Variants in PANK4 observed in about 807,000 individuals in gnomAD.
PANK4 encodes the protein pantothenate kinase 4 (inactive).
PANK4 carries 40 observed loss-of-function variants against 87.9 expected under a neutral mutation model. That is an observed-to-expected ratio of 0.46 (90% CI 0.35 to 0.59). The LOEUF (loss-of-function observed/expected upper bound fraction) is 0.59, where lower values mean the gene tolerates loss of function less well. PANK4 is among the 20% of genes least tolerant of loss of function. PANK4 has a pLI of 0.00. For synonymous variants in PANK4, 524 were observed against 467.4 expected, an observed-to-expected ratio of 1.12 and a Z score of -1.56; for missense variants, 926 against 1,072.3, an observed-to-expected ratio of 0.86 and a Z score of 1.90.
chr1:2,514,210 G>T, intron 11 of PANK4, 121 bp from the exon 12 acceptor site: 1 of 1,111,866 alleles, frequency 9.0e-7, no homozygotes, highest in Middle Eastern at 2.7e-4. Flanking sequence ...GCTTGAGGCG[G>T]GGTCCAAGGG....
chr1:2,515,882 G>C lies in PANK4; in HGVS notation c.1219-165C>G, dbSNP rs941038996. The stretch of plus-strand genomic sequence containing the variant: ...CCCCACTGGGCCCCCTCAGCTGCCC[G>C]GCGGCCTGAGCCGGATACCTTGACT... On this transcript the variant is annotated intron_variant, in intron 9 of 18. Coordinates refer to ENST00000378466, the MANE Select transcript of PANK4 (RefSeq NM_018216.4). The surrounding 1 kb of genome is among the most constrained non-coding windows in gnomAD (Gnocchi z 5.0). The C allele has an allele frequency of 1.4e-6, 1 of 715,388 alleles. No individual in the cohort carries two copies. The highest frequency in any genetic ancestry group is 2.3e-6 in the Non-Finnish European group (1 of 435,508). The allele number at this position is 715,388 out of a possible 1,614,324, so 44.3% of individuals were successfully genotyped here.
At position 2,515,013 on chromosome 1, in the gene PANK4, C is replaced by G. The variant is rs942699528; in HGVS notation, c.1375-547G>C. Among the ~76,000 whole-genome samples, 2 of 152,150 alleles carry G rather than the reference C, an allele frequency of 1.3e-5. No homozygotes were observed. The highest frequency in any genetic ancestry group is 2.9e-5 in the Non-Finnish European group (2 of 68,010). ...TCCTCCCTCAGGACAAACCCTGGCA[C>G]GACCCGGCCTCTCCGAGGGCTTCGT... On this transcript the variant is annotated intron_variant, in intron 10 of 18. Coordinates refer to ENST00000378466, the MANE Select transcript of PANK4 (RefSeq NM_018216.4). This position sits in a 1 kb window ranked among gnomAD's most constrained non-coding sequence, Gnocchi z 5.0.
rs765011504 is a variant in PANK4, at chr1:2,514,306, C to T, written c.1487+48G>A. 4.3e-6 allele frequency: 6 copies of T among 1,384,052 alleles called. 1 individual carries two copies. The South Asian group carries it at 7.0e-5, about 16-fold the overall frequency. 85.7% of individuals were successfully genotyped at this position (1,384,052 alleles called of 1,614,324 possible). A position where few individuals can be genotyped will look rare whatever the true frequency, so the allele number is the denominator to read the frequency against. On this transcript the variant is annotated intron_variant, in intron 11 of 18. Coordinates refer to ENST00000378466, the MANE Select transcript of PANK4 (RefSeq NM_018216.4). ...CGGCACTTTCTCAGAGGTGCAGGGG[C>T]CCTCTGGATGGAAGAGGTGGCCACA...
intron 12 of PANK4, among the ~76,000 whole-genome samples, 158 bp downstream of exon 12, chr1:2,513,844 G>A (rs2100775436): frequency 6.6e-6 from 1 of 152,362 alleles, no homozygotes; most frequent in South Asian, 2.1e-4. Flanking sequence ...CAGAGGCCCT[G>A]GCTATTGTGG....
chr1:2,525,495 A>G (rs552102713), intron 1 of PANK4: 6 of 152,300 alleles, frequency 3.9e-5, no homozygotes, highest in Admixed American at 3.9e-4. Flanking sequence ...GCCCCCAGGA[A>G]GCCCTCATGC....
intron 14 of PANK4, 47 bp from the exon 15 acceptor site, chr1:2,511,434 G>C (rs1390631964): frequency 6.9e-7 from 1 of 1,453,154 alleles, no homozygotes; most frequent in African/African-American, 1.4e-5. Flanking sequence ...CTCCAGGTCA[G>C]GGGTCAGGGA....
chr1:2,510,838 T>C lies in PANK4; in HGVS notation c.1834-56A>G, dbSNP rs999376722. 1 of 1,006,668 alleles carries C rather than the reference T, an allele frequency of 9.9e-7. No individual in the cohort carries two copies. The highest frequency in any genetic ancestry group is 1.7e-5 in the Admixed American group (1 of 58,840). 62.4% of individuals were successfully genotyped at this position (1,006,668 alleles called of 1,614,324 possible). A position where few individuals can be genotyped will look rare whatever the true frequency, so the allele number is the denominator to read the frequency against. ...GAACAGGCGCATCCAAGCGAGTCAG[T>C]CCGCACCCCTGCTGCCCGTCACGCT... is the stretch of plus-strand genomic sequence containing the variant. On this transcript the variant is annotated intron_variant, in intron 15 of 18. Coordinates refer to ENST00000378466, the MANE Select transcript of PANK4 (RefSeq NM_018216.4). This position sits in a 1 kb window ranked among gnomAD's most constrained non-coding sequence, Gnocchi z 4.9.
At position 2,509,200 on chromosome 1, in the gene PANK4, C is replaced by T; in HGVS notation, c.2109-140G>A. On this transcript the variant is annotated intron_variant, in intron 18 of 18. Transcript: ENST00000378466. The surrounding 1 kb of genome is among the most constrained non-coding windows in gnomAD (Gnocchi z 4.9). ...GGAGGCCTCCAAACCCAGCCTCCGCCTGGTAGCTGCCTCAGCCTGGGGCTT... is the reference window on the plus strand; with the variant it reads ...GGAGGCCTCCAAACCCAGCCTCCGCTTGGTAGCTGCCTCAGCCTGGGGCTT... 1.5e-6 allele frequency: 1 copy of T among 656,348 alleles called. No individual in the cohort carries two copies. The highest frequency in any genetic ancestry group is 2.7e-5 in the East Asian group (1 of 36,408). 40.7% of individuals were successfully genotyped at this position (656,348 alleles called of 1,614,324 possible).
chr1:2,518,588 G>C lies in PANK4; in HGVS notation c.1045C>G (p.Gln349Glu), dbSNP rs749073053. ...CCTTCGTGCCTCAGAAACAGCGCCT[G>C]CACTTCCCCCTGCCGTGGCCAAAGC... ...SINFFSKGEV[Q>E]ALFLRHEGYL... is the part of the protein sequence containing the mutation. Residue 349 changes from glutamine (Q) to glutamate (E), a missense_variant, in exon 8 of 19, where the codon CAG becomes GAG. By Grantham distance (29) the Gln-to-Glu change is conservative (BLOSUM62 2). Transcript: ENST00000378466. 2.6e-6 allele frequency: 4 copies of C among 1,568,394 alleles called. No homozygotes were observed. Among genetic ancestry groups the C allele is most frequent in the Non-Finnish European group, 2.6e-6 (3 of 1,156,610 alleles).
intron 13 of PANK4, 152 bp downstream of exon 13, chr1:2,512,736 T>C (rs962935277): frequency 2.7e-6 from 2 of 732,750 alleles, no homozygotes; most frequent in South Asian, 1.7e-5. Flanking sequence ...GCTGCTGCCA[T>C]GTGCACTCCC....
chr1:2,514,115 C>T lies in PANK4; in HGVS notation c.1488-26G>A, dbSNP rs377186845. The T allele has an allele frequency of 2.2e-5, 35 of 1,581,302 alleles. No homozygotes were observed. In the African/African-American group the frequency reaches 4.4e-4, roughly 20 times the overall value. ...CTGGGGACAGACACGGCAGAGGGCG[C>T]TGAGCAGGGCAGGCCGAACACCCGC... On this transcript the variant is annotated intron_variant, in intron 11 of 18. Coordinates refer to ENST00000378466, the MANE Select transcript of PANK4 (RefSeq NM_018216.4).
In PANK4 at chr1:2,514,003, T is replaced by C. The variant is rs148941432; in HGVS notation, c.1574A>G (p.Lys525Arg). 1 of 1,608,698 alleles carries C rather than the reference T, an allele frequency of 6.2e-7. No homozygotes were observed. The highest frequency in any genetic ancestry group is 8.5e-7 in the Non-Finnish European group (1 of 1,176,266). ...AAGGCCAGGGCACACTGCACTTACT[T>C]TGGAGTAGGGATCCGGGAAGTTGAA... Reference protein sequence around the residue: ...NEFNFPDPYSKVKQRENGVAL... With the variant: ...NEFNFPDPYSRVKQRENGVAL... The change falls in exon 12 of 19, where the codon AAA becomes AGA. Residue 525 changes from lysine (K) to arginine (R), a missense_variant and splice_region_variant. Physicochemically the swap from Lys to Arg is conservative, Grantham distance 26. Transcript: ENST00000378466.
chr1:2,511,031 C>A (rs1012028115), intron 15 of PANK4, among the ~76,000 whole-genome samples: 1 of 152,020 alleles, frequency 6.6e-6, no homozygotes, highest in African/African-American at 2.4e-5. Flanking sequence ...CCGGGACGGG[C>A]CAGCCTGCAG....
chr1:2,511,612 A>C lies in PANK4; in HGVS notation c.1783+16T>G, dbSNP rs1643663280. 3.2e-6 allele frequency: 5 copies of C among 1,585,478 alleles called. No individual in the cohort carries two copies. The highest frequency in any genetic ancestry group is 4.3e-6 in the Non-Finnish European group (5 of 1,154,386). On this transcript the variant is annotated intron_variant, in intron 14 of 18. Coordinates refer to ENST00000378466, the MANE Select transcript of PANK4 (RefSeq NM_018216.4). Reference sequence around the variant, plus strand: ...CCAGCACAAGGCAAGGCCCCAAGTTACTTGGCCATCCGTACCTTGTAACTT... The same window carrying C: ...CCAGCACAAGGCAAGGCCCCAAGTTCCTTGGCCATCCGTACCTTGTAACTT...
At chr1:2,524,287 A>G (rs1643901697) in intron 1 of PANK4, among the ~76,000 whole-genome samples, 1 of 152,116 alleles carries the variant, frequency 6.6e-6, no homozygotes, top group Admixed American at 6.6e-5. Flanking sequence ...CTAGATCCAG[A>G]CACAGGCAAG....
chr1:2,514,322 G>C (rs750566864), intron 11 of PANK4, 32 bp downstream of exon 11: 1 of 1,493,168 alleles, frequency 6.7e-7, no homozygotes, highest in Admixed American at 1.7e-5. Flanking sequence ...GGATGGAAGA[G>C]GTGGCCACAC....
Position 2,520,753 on chromosome 1 carries a change from G to A in PANK4, c.576C>T (p.Val192=), listed in dbSNP as rs369593285. ...NHPHIFPYLL[V]NIGSGVSIVK... ...CGATGGAGACTCCAGAGCCGATATT[G>A]ACAAGAAGATAGGGGAAAATGTGGG... is the stretch of plus-strand genomic sequence containing the variant. The change falls in exon 4 of 19, where the codon GTC becomes GTT. Residue 192 remains valine (V), a synonymous_variant. Coordinates refer to ENST00000378466, the MANE Select transcript of PANK4 (RefSeq NM_018216.4). The surrounding 1 kb of genome is among the most constrained non-coding windows in gnomAD (Gnocchi z 6.2). 8 of 1,613,362 alleles carry A rather than the reference G, an allele frequency of 5.0e-6. No homozygotes were observed. Among genetic ancestry groups the A allele is most frequent in the South Asian group, 1.1e-5 (1 of 91,038 alleles).
Position 2,519,816 on chromosome 1 carries a change from C to T in PANK4, c.838G>A (p.Ala280Thr). Residue 280 changes from alanine (A) to threonine (T), a missense_variant, in exon 6 of 19, where the codon GCC becomes ACC. Transcript: ENST00000378466. The surrounding 1 kb of genome is among the most constrained non-coding windows in gnomAD (Gnocchi z 8.3). ...NLIASSFGKS[A>T]TADQEFSKED... Reference sequence around the variant, plus strand: ...GGGTGAGCACCTTGGTCGGCGGTGGCCGACTTCCCGAAGCTGCTGGCGATG... The same window carrying T: ...GGGTGAGCACCTTGGTCGGCGGTGGTCGACTTCCCGAAGCTGCTGGCGATG... 6.3e-7 allele frequency: 1 copy of T among 1,579,112 alleles called. No individual in the cohort carries two copies. Among genetic ancestry groups the T allele is most frequent in the Admixed American group, 1.8e-5 (1 of 55,284 alleles).
chr1:2,514,221 G>T (rs1643716663), intron 11 of PANK4, 132 bp from the exon 12 acceptor site: 8 of 1,109,464 alleles, frequency 7.2e-6, no homozygotes, highest in Non-Finnish European at 8.2e-6. Context: ...GGTCCAAGGG[G>T]GCTGTGCCGC....
Sources: gnomAD v4.1 joint callset for allele counts (sites outside exome capture counted in the v4.1 genomes callset) on GRCh38, gnomAD v4.1.1 for gene constraint, Gnocchi (gnomAD v3.1) non-coding constraint, MANE v1.5 for transcripts, NCBI Gene and HGNC (gene_info 2026-07-23, HGNC 2026-07-21) for gene names.